The following PXK variants were observed in gnomAD, a reference collection of about 807,000 sequenced individuals.
The protein encoded by PXK is PX domain containing serine/threonine kinase like, also known as PX domain-containing protein kinase-like protein.
A neutral mutation model predicts 84.7 loss-of-function variants in PXK; 35 were observed. The observed-to-expected ratio is 0.41, with a 90% confidence interval of 0.32 to 0.55. The LOEUF (loss-of-function observed/expected upper bound fraction) is 0.55. Ranked by LOEUF, PXK falls within the 20% of genes least tolerant of loss-of-function variation. The pLI is 0.21. For synonymous variants in PXK, 253 were observed against 260.8 expected, an observed-to-expected ratio of 0.97 and a Z score of 0.29; for missense variants, 634 against 699.7, an observed-to-expected ratio of 0.91 and a Z score of 1.06.
At chr3:58,403,008 C>CTT (rs71287200) in intron 12 of PXK, among the ~76,000 whole-genome samples, 9,945 of 141,330 alleles carry the variant, frequency 0.07, 431 homozygotes, top group South Asian at 0.1. Context: ...ATAACATACC[C>CTT]TTTTTTTTTT....
chr3:58,342,634 C>CAAAAAAAAAAAAAAAAAA (rs71091369), intron 1 of PXK, among the ~76,000 whole-genome samples: 62 of 113,286 alleles, frequency 5.5e-4, no homozygotes, highest in East Asian at 1.8e-3. Flanking sequence ...GACTCTGTCT[C>CAAAAAAAAAAAAAAAAAA]AAAAAAAAAA....
At chr3:58,410,219 A>C in intron 16 of PXK, 60 bp downstream of exon 16, 3 of 1,329,940 alleles carry the variant, frequency 2.3e-6, no homozygotes, top group Middle Eastern at 1.8e-4. Context: ...AGGAGTCTCT[A>C]GTTGGTCAAG....
At position 58,412,752 on chromosome 3, in the gene PXK, C is replaced by CT. The variant is rs2060389243; in HGVS notation, c.1466-148dup. ...AAAAGCCTGTCACTGGGTCCGGTCT[C>CT]TGAGTTTTTTGTCCCTCATCATCTT... On this transcript the variant is annotated intron_variant, in intron 16 of 17. Transcript: ENST00000356151. The surrounding 1 kb of genome is among the most constrained non-coding windows in gnomAD (Gnocchi z 6.2). The CT allele has an allele frequency of 1.3e-6, 1 of 766,992 alleles. No individual in the cohort carries two copies. Among genetic ancestry groups the CT allele is most frequent in the South Asian group, 1.6e-5 (1 of 62,400 alleles). 47.5% of individuals were successfully genotyped at this position (766,992 alleles called of 1,614,324 possible).
rs1007684979 is a variant in PXK at position 58,382,717 on chromosome 3, G to C, written c.388+17G>C. 6.7e-7 allele frequency: 1 copy of C among 1,496,422 alleles called. No individual in the cohort carries two copies. Among genetic ancestry groups the C allele is most frequent in the African/African-American group, 1.4e-5 (1 of 69,770 alleles). The allele number at this position is 1,496,422 out of a possible 1,614,324, so 92.7% of individuals were successfully genotyped here. A position where few individuals can be genotyped will look rare whatever the true frequency, so the allele number is the denominator to read the frequency against. On this transcript the variant is annotated intron_variant, in intron 4 of 17. Coordinates refer to ENST00000356151, the MANE Select transcript of PXK (RefSeq NM_017771.5). ...ACTATACTGGTAAGCGAAGGAATCTGTGAATTATGGTCACATGGCTAAAGA... is the reference window on the plus strand; with the variant it reads ...ACTATACTGGTAAGCGAAGGAATCTCTGAATTATGGTCACATGGCTAAAGA...
intron 1 of PXK, among the ~76,000 whole-genome samples, chr3:58,336,866 A>G (rs1192194083): frequency 6.6e-6 from 1 of 152,114 alleles, no homozygotes; most frequent in African/African-American, 2.4e-5. Context: ...ACTAGAGTGC[A>G]GGTCGCAATC....
At chr3:58,352,457 A>G (rs2097952164) in intron 1 of PXK, among the ~76,000 whole-genome samples, 1 of 152,234 alleles carries the variant, frequency 6.6e-6, no homozygotes, top group Non-Finnish European at 1.5e-5. Flanking sequence ...GTTCTCTGAG[A>G]TCATGTTCAC....
At chr3:58,359,060 C>T (rs529659956) in intron 1 of PXK, among the ~76,000 whole-genome samples, 47 of 152,256 alleles carry the variant, frequency 3.1e-4, no homozygotes, top group African/African-American at 1.1e-3. Flanking sequence ...GGGTTTGGAA[C>T]GTGATAGGTG....
Position 58,409,492 on chromosome 3 carries a change from C to G in PXK, c.1309-40C>G, listed in dbSNP as rs191410181. On this transcript the variant is annotated intron_variant, in intron 14 of 17. Transcript: ENST00000356151. This position sits in a 1 kb window ranked among gnomAD's most constrained non-coding sequence, Gnocchi z 4.2. ...GGAGAAGATTTTCATTAGGAAGCTG[C>G]CTTATGTGGGATATGCTTACATCTT... 4.5e-6 allele frequency: 7 copies of G among 1,547,714 alleles called. No homozygotes were observed. Among genetic ancestry groups the G allele is most frequent in the East Asian group, 4.5e-5 (2 of 44,398 alleles).
At chr3:58,377,967 G>A (rs1352811503) in intron 3 of PXK, among the ~76,000 whole-genome samples, 2 of 152,200 alleles carry the variant, frequency 1.3e-5, no homozygotes, top group Non-Finnish European at 2.9e-5. Context: ...GTGGGGTGAA[G>A]GTCAAGGAGT....
intron 1 of PXK, among the ~76,000 whole-genome samples, chr3:58,350,957 T>C (rs562175085): frequency 6.6e-6 from 1 of 152,286 alleles, no homozygotes; most frequent in East Asian, 1.9e-4. Flanking sequence ...CTAGCTTGAC[T>C]TCAGCCTATA....
rs1331819825 is a variant in PXK, at chr3:58,398,067, A to G, written c.1102+345A>G. 2.6e-5 allele frequency among the ~76,000 whole-genome samples: 4 copies of G among 152,196 alleles called. No homozygotes were observed. Among genetic ancestry groups the G allele is most frequent in the African/African-American group, 9.6e-5 (4 of 41,456 alleles). Reference sequence around the variant, plus strand: ...TGAAGCCAGTCTTGAGGACCCAGGCAGGTGTCAGACGTCAGATCAAGACTG... The same window carrying G: ...TGAAGCCAGTCTTGAGGACCCAGGCGGGTGTCAGACGTCAGATCAAGACTG... On this transcript the variant is annotated intron_variant, in intron 11 of 17. Transcript: ENST00000356151. This position sits in a 1 kb window ranked among gnomAD's most constrained non-coding sequence, Gnocchi z 4.5.
At chr3:58,423,297 C>A (rs747506686) in intron 17 of PXK, 194 of 968,238 alleles carry the variant, frequency 2.0e-4, no homozygotes, top group Non-Finnish European at 2.3e-4. Context: ...CACAATCCAC[C>A]TTAGCATAAA....
chr3:58,334,929 GTGTGT>G (rs1559822603), intron 1 of PXK, among the ~76,000 whole-genome samples: 6,825 of 121,312 alleles, frequency 0.056, 556 homozygotes, highest in African/African-American at 0.23. Flanking sequence ...TATTGTAAGG[GTGTGT>G]GTGTGTGTGT....
chr3:58,336,055 ATATATATATATATATAT>A (rs1227314031), intron 1 of PXK, among the ~76,000 whole-genome samples: 3 of 58,480 alleles, frequency 5.1e-5, no homozygotes, highest in Non-Finnish European at 8.9e-5. Flanking sequence ...ATATATATAT[ATATATATATATATATAT>A]TTTTTTTTTT....
At chr3:58,352,053 G>A (rs938038947) in intron 1 of PXK, among the ~76,000 whole-genome samples, 2 of 152,246 alleles carry the variant, frequency 1.3e-5, no homozygotes, top group East Asian at 3.8e-4. Context: ...AAGTTAGGCT[G>A]CAAAGCTAAT....
At chr3:58,339,809 A>G (rs995584451) in intron 1 of PXK, among the ~76,000 whole-genome samples, 6 of 151,828 alleles carry the variant, frequency 4.0e-5, no homozygotes, top group African/African-American at 1.5e-4. Flanking sequence ...ATTGTTCAAT[A>G]TATAGATTTT....
chr3:58,412,714 C>T lies in PXK; in HGVS notation c.1466-187C>T, dbSNP rs1397668357. On this transcript the variant is annotated intron_variant, in intron 16 of 17. Transcript: ENST00000356151. The surrounding 1 kb of genome is among the most constrained non-coding windows in gnomAD (Gnocchi z 6.2). ...TAGTGGCTTGGGGAAGGAGGTGGACCCTGCACCAGAGTAAAAGCCTGTCAC... is the reference window on the plus strand; with the variant it reads ...TAGTGGCTTGGGGAAGGAGGTGGACTCTGCACCAGAGTAAAAGCCTGTCAC... Among the ~76,000 whole-genome samples the T allele has an allele frequency of 6.6e-6, 1 of 152,048 alleles. No individual in the cohort carries two copies. Among genetic ancestry groups the T allele is most frequent in the Non-Finnish European group, 1.5e-5 (1 of 68,000 alleles).
chr3:58,350,563 CT>C (rs1468304840), intron 1 of PXK, among the ~76,000 whole-genome samples: 1 of 152,180 alleles, frequency 6.6e-6, no homozygotes, highest in African/African-American at 2.4e-5. Flanking sequence ...CGCTGTGCCC[CT>C]GGGTCAGACT....
At chr3:58,373,081 T>TTC (rs2098399866) in intron 3 of PXK, among the ~76,000 whole-genome samples, 1 of 132,026 alleles carries the variant, frequency 7.6e-6, no homozygotes, top group Non-Finnish European at 1.7e-5. Flanking sequence ...AGTCCGTCAT[T>TTC]TCTTTTTTTT....
Sources: gnomAD v4.1 joint callset for allele counts (sites outside exome capture counted in the v4.1 genomes callset) on GRCh38, gnomAD v4.1.1 for gene constraint, Gnocchi (gnomAD v3.1) non-coding constraint, MANE v1.5 for transcripts, NCBI Gene and HGNC (gene_info 2026-07-23, HGNC 2026-07-21) for gene names.